The following SCFD2 variants were observed in gnomAD, a reference collection of about 807,000 sequenced individuals.
The protein encoded by SCFD2 is sec1 family domain-containing protein 2.
SCFD2 carries 54 observed loss-of-function variants against 58.9 expected under a neutral mutation model. The ratio of observed to expected loss-of-function variants is 0.92; its 90% CI spans 0.74 to 1.15. The LOEUF is 1.15. Among genes scored for constraint, SCFD2 ranks in the 50% most tolerant of loss-of-function variants. SCFD2 has a pLI of 0.00. For missense variants in SCFD2, 805 were observed against 836.6 expected (o/e 0.96, Z 0.47); for synonymous variants, 321 against 335.9 (o/e 0.96, Z 0.49).
At chr4:53,031,356 T>TA (rs1402584684) in intron 5 of SCFD2, among the ~76,000 whole-genome samples, 2 of 152,132 alleles carry the variant, frequency 1.3e-5, no homozygotes, top group African/African-American at 2.4e-5. Flanking sequence ...TCTTCTCCTC[T>TA]AAAAGGCCTC....
intron 2 of SCFD2, among the ~76,000 whole-genome samples, chr4:53,334,630 T>C (rs1393757210): frequency 9.3e-5 from 14 of 150,758 alleles, no homozygotes; most frequent in Non-Finnish European, 1.8e-4. Flanking sequence ...AGGGATAGCA[T>C]TGGGAGATAT....
rs577976907 is a variant in SCFD2, at chr4:52,992,744, C to G, written c.1562-71874G>C. ...CCGTCTGAGAAGTGAAGAGCCCCTC[C>G]GCCCGGCAGCCGCCCCATGTGTGAA... On this transcript the variant is annotated intron_variant, in intron 5 of 8. Coordinates refer to ENST00000401642, the MANE Select transcript of SCFD2 (RefSeq NM_152540.4). Among the ~76,000 whole-genome samples, 548 of 152,010 alleles carry G rather than the reference C, an allele frequency of 3.6e-3. 2 individuals are homozygous for G. The highest frequency in any genetic ancestry group is 0.013 in the African/African-American group (521 of 41,464).
chr4:53,340,100 G>T (rs1198004102), intron 2 of SCFD2, among the ~76,000 whole-genome samples: 2 of 152,118 alleles, frequency 1.3e-5, no homozygotes, highest in Non-Finnish European at 2.9e-5. Flanking sequence ...TCTCACTGGG[G>T]ATTGTCAGAC....
intron 5 of SCFD2, among the ~76,000 whole-genome samples, chr4:53,060,881 TAA>T (rs959538284): frequency 6.6e-6 from 1 of 152,150 alleles, no homozygotes; most frequent in African/African-American, 2.4e-5. Context: ...TATAAAAGCA[TAA>T]AGAGGTCTAG....
chr4:53,339,068 A>G (rs1733779464), intron 2 of SCFD2, among the ~76,000 whole-genome samples: 1 of 152,174 alleles, frequency 6.6e-6, no homozygotes, highest in African/African-American at 2.4e-5. Context: ...AAATATGAGG[A>G]AAAAAGAACA....
chr4:53,215,632 T>C (rs1728798061), intron 4 of SCFD2, among the ~76,000 whole-genome samples: 1 of 152,120 alleles, frequency 6.6e-6, no homozygotes, highest in Admixed American at 6.6e-5. Context: ...CTGAATGCCC[T>C]TTATTTCCTT....
chr4:53,121,582 A>G (rs899113443), intron 5 of SCFD2, among the ~76,000 whole-genome samples: 2 of 152,210 alleles, frequency 1.3e-5, no homozygotes, highest in Non-Finnish European at 2.9e-5. Flanking sequence ...GCTGTTATGG[A>G]CAGTTCTTTC....
At chr4:52,984,677 G>A (rs754016078) in intron 5 of SCFD2, among the ~76,000 whole-genome samples, 8 of 152,154 alleles carry the variant, frequency 5.3e-5, no homozygotes, top group South Asian at 2.1e-4. Flanking sequence ...AATCATCAAC[G>A]ACAAATCCTT....
At chr4:53,102,142 G>A (rs1724847723) in intron 5 of SCFD2, among the ~76,000 whole-genome samples, 1 of 152,160 alleles carries the variant, frequency 6.6e-6, no homozygotes, top group African/African-American at 2.4e-5. Flanking sequence ...TGATACAGGT[G>A]CAACTCAAAA....
intron 5 of SCFD2, among the ~76,000 whole-genome samples, chr4:53,033,467 T>G (rs1472558812): frequency 2.0e-5 from 3 of 151,888 alleles, no homozygotes; most frequent in Non-Finnish European, 2.9e-5. Context: ...ATAACTCAGA[T>G]CAGAGCAGAA....
chr4:53,344,134 A>G (rs1733978805), intron 2 of SCFD2, among the ~76,000 whole-genome samples: 1 of 151,780 alleles, frequency 6.6e-6, no homozygotes, highest in Non-Finnish European at 1.5e-5. Flanking sequence ...AAGGATATTC[A>G]ATTAGGAAAA....
intron 5 of SCFD2, among the ~76,000 whole-genome samples, chr4:52,929,132 G>A (rs770731300): frequency 6.6e-6 from 1 of 152,044 alleles, no homozygotes; most frequent in Non-Finnish European, 1.5e-5. Flanking sequence ...CGTGGTTTAG[G>A]TATACACACA....
intron 3 of SCFD2, among the ~76,000 whole-genome samples, chr4:53,280,782 A>G (rs1731484307): frequency 6.6e-6 from 1 of 152,200 alleles, no homozygotes; most frequent in South Asian, 2.1e-4. Context: ...GGCAATGTAT[A>G]TTAGAATATT....
At chr4:53,030,781 T>A (rs559432710) in intron 5 of SCFD2, among the ~76,000 whole-genome samples, 1 of 152,242 alleles carries the variant, frequency 6.6e-6, no homozygotes, top group Non-Finnish European at 1.5e-5. Flanking sequence ...GTAATTCCAA[T>A]CTTGAACATT....
chr4:53,263,468 C>G (rs1174861024), intron 4 of SCFD2, among the ~76,000 whole-genome samples: 1 of 152,160 alleles, frequency 6.6e-6, no homozygotes, highest in Non-Finnish European at 1.5e-5. Flanking sequence ...CTCCCTCTTC[C>G]CCTAGGGATG....
chr4:52,891,244 A>C (rs1184783632), intron 7 of SCFD2, among the ~76,000 whole-genome samples: 3 of 152,204 alleles, frequency 2.0e-5, no homozygotes, highest in Non-Finnish European at 4.4e-5. Flanking sequence ...GCCAGACACC[A>C]TTCTAAGCAT....
chr4:52,906,419 T>C (rs1340831798), intron 7 of SCFD2, among the ~76,000 whole-genome samples: 2 of 152,232 alleles, frequency 1.3e-5, no homozygotes, highest in Non-Finnish European at 2.9e-5. Flanking sequence ...CATGAAGGGC[T>C]ACTCAGGATA....
chr4:52,908,737 A>T (rs1719409808), intron 6 of SCFD2, among the ~76,000 whole-genome samples: 1 of 152,216 alleles, frequency 6.6e-6, no homozygotes, highest in South Asian at 2.1e-4. Flanking sequence ...AGCAAGGTAT[A>T]AACCATTAAA....
At chr4:52,916,264 C>T (rs938159096) in intron 6 of SCFD2, among the ~76,000 whole-genome samples, 31 of 152,124 alleles carry the variant, frequency 2.0e-4, no homozygotes, top group African/African-American at 6.8e-4. Context: ...CAGTAAGAAA[C>T]GGAAGGGTAA....
Sources: allele counts gnomAD v4.1 joint callset (sites outside exome capture counted in the v4.1 genomes callset), GRCh38; gene constraint gnomAD v4.1.1; transcripts MANE v1.5; gene names NCBI Gene and HGNC (gene_info 2026-07-23, HGNC 2026-07-21).